The following DYNC2H1 variants were observed in gnomAD, a reference collection of about 807,000 sequenced individuals.
The protein encoded by DYNC2H1 is cytoplasmic dynein 2 heavy chain 1.
Under a neutral mutation model 570.0 loss-of-function variants are expected in DYNC2H1, and 410 were observed. The observed-to-expected ratio is 0.72, with a 90% confidence interval of 0.66 to 0.78. The LOEUF is 0.78. DYNC2H1 is among the 30% of genes least tolerant of loss of function. The pLI is 0.00. For missense variants in DYNC2H1, 4,865 were observed against 5,046.4 expected, an observed-to-expected ratio of 0.96 and a Z score of 1.09; for synonymous variants, 1,688 against 1,677.6, an observed-to-expected ratio of 1.01 and a Z score of -0.15.
intron 18 of DYNC2H1, among the ~76,000 whole-genome samples, chr11:103,147,047 A>G (rs1860275747): frequency 6.6e-6 from 1 of 152,116 alleles, no homozygotes; most frequent in African/African-American, 2.4e-5. Flanking sequence ...TCACTATTAT[A>G]GTTAGTGCTT....
intron 86 of DYNC2H1, among the ~76,000 whole-genome samples, chr11:103,455,916 G>A (rs548228636): frequency 4.6e-5 from 7 of 152,020 alleles, no homozygotes; most frequent in African/African-American, 1.7e-4. Context: ...AACTCTCAGG[G>A]GTATTTCAAT....
chr11:103,334,006 T>G lies in DYNC2H1; in HGVS notation c.12039+10016T>G, dbSNP rs896852059. Among the ~76,000 whole-genome samples, 2 of 152,204 alleles carry G rather than the reference T, an allele frequency of 1.3e-5. No homozygotes were observed. Among genetic ancestry groups the G allele is most frequent in the Non-Finnish European group, 2.9e-5 (2 of 68,030 alleles). Reference sequence around the variant, plus strand: ...AATGTTTGCATTTGTTAATAACGATTCAGTGATGGCACATTCTCTAGGCTA... The same window carrying G: ...AATGTTTGCATTTGTTAATAACGATGCAGTGATGGCACATTCTCTAGGCTA... On this transcript the variant is annotated intron_variant, in intron 82 of 88. Coordinates refer to ENST00000375735, the MANE Select transcript of DYNC2H1 (RefSeq NM_001377.3). This position sits in a 1 kb window ranked among gnomAD's most constrained non-coding sequence, Gnocchi z 4.3.
chr11:103,322,863 T>C (rs978403664), intron 81 of DYNC2H1, among the ~76,000 whole-genome samples: 2 of 152,350 alleles, frequency 1.3e-5, no homozygotes, highest in East Asian at 1.9e-4. Flanking sequence ...CATACACTCA[T>C]GTACATGTAC....
chr11:103,479,510 C>A lies in DYNC2H1; in HGVS notation c.*257C>A. 1 of 291,600 alleles carries A rather than the reference C, an allele frequency of 3.4e-6. No individual in the cohort carries two copies. Among genetic ancestry groups the A allele is most frequent in the Non-Finnish European group, 6.0e-6 (1 of 166,452 alleles). The allele number at this position is 291,600 out of a possible 1,614,324, so 18.1% of individuals were successfully genotyped here. ...ATTTCTGTGAGAAAGTTCACTTTTC[C>A]AGTGGCTCAAAAATTTGTTTTAGGT... On this transcript the variant is annotated 3_prime_UTR_variant, in exon 89 of 89. Transcript: ENST00000375735.
At chr11:103,323,716 C>A (rs1454534401) in intron 81 of DYNC2H1, among the ~76,000 whole-genome samples, 170 bp from the exon 82 acceptor site, 1 of 151,980 alleles carries the variant, frequency 6.6e-6, no homozygotes, top group Non-Finnish European at 1.5e-5. Context: ...GTATTAATGA[C>A]AGAATACTTC....
intron 53 of DYNC2H1, 126 bp from the exon 54 acceptor site, chr11:103,211,663 A>G (rs367779337): frequency 1.2e-5 from 5 of 403,688 alleles, no homozygotes; most frequent in Admixed American, 8.9e-5. Flanking sequence ...CAAAGATGCT[A>G]TCTCATATTT....
Position 103,121,012 on chromosome 11 carries a change from G to A in DYNC2H1, c.1336G>A (p.Ala446Thr), listed in dbSNP as rs1858676705. The A allele has an allele frequency of 6.3e-7, 1 of 1,583,064 alleles. No individual in the cohort carries two copies. The highest frequency in any genetic ancestry group is 8.6e-7 in the Non-Finnish European group (1 of 1,165,194). ...ELMLERETLL[A>T]RLVDSIKDFR... ...GATGTTAGAAAGAGAAACTTTACTG[G>A]CAAGACTTGTGGACTCAATTAAAGG... is the stretch of plus-strand genomic sequence containing the variant. Residue 446 changes from alanine (A) to threonine (T), a missense_variant, in exon 9 of 89, where the codon GCA becomes ACA. Physicochemically the swap from Ala to Thr is moderately conservative, Grantham distance 58. This residue lies in a region of DYNC2H1 where 1,936 missense variants were observed against 1,962.1 expected (regional missense o/e 0.99). Transcript: ENST00000375735.
intron 85 of DYNC2H1, among the ~76,000 whole-genome samples, chr11:103,442,665 T>C (rs1383611027): frequency 1.3e-5 from 2 of 152,232 alleles, no homozygotes; most frequent in Admixed American, 6.5e-5. Context: ...TTCTAGAAAT[T>C]TGACAGTATA....
chr11:103,348,659 CA>C (rs1565516361), intron 82 of DYNC2H1, among the ~76,000 whole-genome samples: 8 of 152,006 alleles, frequency 5.3e-5, no homozygotes. Context: ...AATAGTATTC[CA>C]TTTTATGAAT....
At position 103,239,313 on chromosome 11, in the gene DYNC2H1, A is replaced by C. The variant is rs973701436; in HGVS notation, c.9819+2774A>C. On this transcript the variant is annotated intron_variant, in intron 63 of 88. Transcript: ENST00000375735. The surrounding 1 kb of genome is among the most constrained non-coding windows in gnomAD (Gnocchi z 4.3). ...CTAAGAATATAAAATTATAATGGTA[A>C]ATTTACAACTTTAAAGTTAACTTCT... 2.0e-5 allele frequency among the ~76,000 whole-genome samples: 3 copies of C among 152,122 alleles called. No individual in the cohort carries two copies. The highest frequency in any genetic ancestry group is 7.2e-5 in the African/African-American group (3 of 41,436).
chr11:103,155,234 G>T, intron 24 of DYNC2H1, 97 bp from the exon 25 acceptor site: 1 of 1,118,000 alleles, frequency 8.9e-7, no homozygotes, highest in African/African-American at 1.7e-5. Flanking sequence ...TTAAAATTTT[G>T]GTAACTAATA....
chr11:103,390,511 T>C (rs897999193), intron 83 of DYNC2H1, among the ~76,000 whole-genome samples: 21 of 152,282 alleles, frequency 1.4e-4, no homozygotes, highest in Admixed American at 1.4e-3. Flanking sequence ...AAGGTTAGTA[T>C]TGTTATGTGT....
At chr11:103,477,832 CAAAAAA>C (rs55817710) in intron 88 of DYNC2H1, among the ~76,000 whole-genome samples, 5 of 72,608 alleles carry the variant, frequency 6.9e-5, no homozygotes, top group South Asian at 6.1e-4. Flanking sequence ...CTCCCCATCT[CAAAAAA>C]AAAAAAAAAA....
chr11:103,208,801 A>G (rs1863036347), intron 52 of DYNC2H1, among the ~76,000 whole-genome samples: 1 of 152,162 alleles, frequency 6.6e-6, no homozygotes, highest in African/African-American at 2.4e-5. Context: ...AGATGAAAAT[A>G]AAGCAAATTA....
chr11:103,419,024 G>A (rs1208580906), intron 84 of DYNC2H1, among the ~76,000 whole-genome samples: 1 of 152,164 alleles, frequency 6.6e-6, no homozygotes, highest in Non-Finnish European at 1.5e-5. Context: ...CTGAATTCAG[G>A]GAGCCAAGCA....
intron 83 of DYNC2H1, among the ~76,000 whole-genome samples, chr11:103,383,631 G>A (rs537673384): frequency 2.9e-4 from 42 of 144,920 alleles, no homozygotes; most frequent in Admixed American, 7.1e-4. Context: ...CCACCACCAC[G>A]CCCAGCTAAT....
rs975291787 is a variant in DYNC2H1 at position 103,325,852 on chromosome 11, G to A, written c.12039+1862G>A. On this transcript the variant is annotated intron_variant, in intron 82 of 88. Transcript: ENST00000375735. This position sits in a 1 kb window ranked among gnomAD's most constrained non-coding sequence, Gnocchi z 4.8. ...AGACATTTCAGTCTCATTAGGGACCGTTGCTGGTGGGCGGGGGATGGGCGT... is the reference window on the plus strand; with the variant it reads ...AGACATTTCAGTCTCATTAGGGACCATTGCTGGTGGGCGGGGGATGGGCGT... Among the ~76,000 whole-genome samples the A allele has an allele frequency of 5.9e-5, 9 of 152,130 alleles. No individual in the cohort carries two copies. The highest frequency in any genetic ancestry group is 2.2e-4 in the African/African-American group (9 of 41,416).
chr11:103,429,787 A>T (rs959556470), intron 84 of DYNC2H1, among the ~76,000 whole-genome samples: 9 of 152,334 alleles, frequency 5.9e-5, no homozygotes, highest in African/African-American at 1.2e-4. Context: ...TCTATTGTTA[A>T]TCATTGCATA....
At chr11:103,266,357 T>A (rs1865505038) in intron 70 of DYNC2H1, among the ~76,000 whole-genome samples, 1 of 151,988 alleles carries the variant, frequency 6.6e-6, no homozygotes, top group Non-Finnish European at 1.5e-5. Flanking sequence ...TGGTGTTGGC[T>A]CAAGGGCAGG....
Sources: gnomAD v4.1 joint callset for allele counts (sites outside exome capture counted in the v4.1 genomes callset) on GRCh38, gnomAD v4.1.1 for gene constraint, gnomAD v4.1.1 regional missense constraint, Gnocchi (gnomAD v3.1) non-coding constraint, MANE v1.5 for transcripts, NCBI Gene and HGNC (gene_info 2026-07-23, HGNC 2026-07-21) for gene names.